ANKRD28: variants seen among roughly 807,000 people sequenced by gnomAD.
ANKRD28 encodes serine/threonine-protein phosphatase 6 regulatory ankyrin repeat subunit A.
ANKRD28 carries 44 observed loss-of-function variants against 126.5 expected under a neutral mutation model. The ratio of observed to expected loss-of-function variants is 0.35; its 90% confidence interval spans 0.27 to 0.45. ANKRD28 has a LOEUF of 0.45. Ranked by LOEUF, ANKRD28 falls within the 20% of genes least tolerant of loss-of-function variation. The pLI, the probability that ANKRD28 is intolerant of heterozygous loss-of-function variation, is 1.00. For missense variants in ANKRD28, 1,110 were observed against 1,316.6 expected (o/e 0.84, Z 2.43); for synonymous variants, 442 against 468.5 (o/e 0.94, Z 0.73).
At chr3:15,844,854 AC>A (rs2061497158) in intron 1 of ANKRD28, among the ~76,000 whole-genome samples, 1 of 152,198 alleles carries the variant, frequency 6.6e-6, no homozygotes, top group Non-Finnish European at 1.5e-5. Flanking sequence ...GCTATAAAAT[AC>A]CTGAAACTGG....
At chr3:15,798,847 C>T (rs1029901281), upstream of ANKRD28, among the ~76,000 whole-genome samples, 1 of 151,992 alleles carries the variant, frequency 6.6e-6, no homozygotes, top group East Asian at 1.9e-4. Flanking sequence ...ATACCATGGT[C>T]CCCCTTCAAT....
At chr3:15,825,199 T>C (rs2061033535) in intron 1 of ANKRD28, among the ~76,000 whole-genome samples, 1 of 152,170 alleles carries the variant, frequency 6.6e-6, no homozygotes, top group African/African-American at 2.4e-5. Context: ...CATGCAAGAT[T>C]AAATGAAGAG....
At chr3:15,781,188 G>C (rs1388914041) in intron 2 of ANKRD28, among the ~76,000 whole-genome samples, 1 of 151,814 alleles carries the variant, frequency 6.6e-6, no homozygotes, top group Non-Finnish European at 1.5e-5. Flanking sequence ...TCAAAAGCAA[G>C]AAAACAACCT....
Position 15,734,277 on chromosome 3 carries a change from C to A in ANKRD28, c.640+1133G>T, listed in dbSNP as rs985000863. Reference sequence around the variant, plus strand: ...TTGAGTTAATATTCCTCCATTGAATCTTCTGTTAATCTTTTATTTTTAAAT... The same window carrying A: ...TTGAGTTAATATTCCTCCATTGAATATTCTGTTAATCTTTTATTTTTAAAT... On this transcript the variant is annotated intron_variant, in intron 6 of 27. Coordinates refer to ENST00000683139, the MANE Select transcript of ANKRD28 (RefSeq NM_001349278.2). Among the ~76,000 whole-genome samples, 16 of 152,236 alleles carry A rather than the reference C, an allele frequency of 1.1e-4. 1 individual carries two copies. Among genetic ancestry groups the A allele is most frequent in the African/African-American group, 3.4e-4 (14 of 41,556 alleles).
At chr3:15,824,471 C>A (rs1303325022) in intron 1 of ANKRD28, among the ~76,000 whole-genome samples, 19 of 152,164 alleles carry the variant, frequency 1.2e-4, no homozygotes, top group Admixed American at 1.1e-3. Context: ...TTAAAAAAAA[C>A]AAACTATCAG....
At position 15,748,896 on chromosome 3, in the gene ANKRD28, T is replaced by A. The variant is rs116448371; in HGVS notation, c.351+2854A>T. ...GAGACTTCGTTCATTTAAAAAAAAA[T>A]TTTTTTTCTTTGTCTTTGATGGATT... On this transcript the variant is annotated intron_variant, in intron 4 of 27. Transcript: ENST00000683139. 4.6e-3 allele frequency among the ~76,000 whole-genome samples: 692 copies of A among 151,918 alleles called. 3 individuals are homozygous for A. The highest frequency in any genetic ancestry group is 0.015 in the African/African-American group (632 of 41,430).
chr3:15,842,976 G>A (rs2061455046), intron 1 of ANKRD28, among the ~76,000 whole-genome samples: 1 of 152,172 alleles, frequency 6.6e-6, no homozygotes, highest in African/African-American at 2.4e-5. Flanking sequence ...TGTAATGAGT[G>A]TTGCTTATCT....
chr3:15,733,523 TATC>T (rs1337854663), intron 6 of ANKRD28: 1 of 152,262 alleles, frequency 6.6e-6, no homozygotes, highest in Non-Finnish European at 1.5e-5. Flanking sequence ...TTTCTTCAAA[TATC>T]ATTTCTTAAA....
intron 17 of ANKRD28, among the ~76,000 whole-genome samples, chr3:15,690,500 C>T (rs2068646167): frequency 6.6e-6 from 1 of 152,162 alleles, no homozygotes; most frequent in Admixed American, 6.5e-5. Flanking sequence ...GGCAGACATT[C>T]AATGGATGTG....
chr3:15,697,939 C>T (rs1013473494), intron 14 of ANKRD28, among the ~76,000 whole-genome samples: 4 of 152,152 alleles, frequency 2.6e-5, no homozygotes, highest in African/African-American at 7.2e-5. Context: ...AGAGATTCAA[C>T]TTCTTCCTGG....
chr3:15,682,737 T>TA (rs1186827408), intron 21 of ANKRD28, among the ~76,000 whole-genome samples: 1 of 152,208 alleles, frequency 6.6e-6, no homozygotes, highest in Non-Finnish European at 1.5e-5. Flanking sequence ...CTAGTTAAAG[T>TA]AAAAACCATT....
At chr3:15,712,623 A>AC in intron 10 of ANKRD28, among the ~76,000 whole-genome samples, 1 of 152,278 alleles carries the variant, frequency 6.6e-6, no homozygotes, top group African/African-American at 2.4e-5. Flanking sequence ...CTACCCTGTC[A>AC]CCCCACCATT....
At chr3:15,721,991 G>A (rs951277979) in intron 7 of ANKRD28, among the ~76,000 whole-genome samples, 5 of 152,058 alleles carry the variant, frequency 3.3e-5, no homozygotes, top group African/African-American at 9.6e-5. Context: ...ATGATCCACC[G>A]GCCTCGGCCT....
rs2066187689 is a variant in ANKRD28 at position 15,669,907 on chromosome 3, T to C, written c.*363A>G. Reference sequence around the variant, plus strand: ...GCCTTTAAATTTAGTTGTAATTTTATTGATAAAATTTAAATCTAGTGTCTT... The same window carrying C: ...GCCTTTAAATTTAGTTGTAATTTTACTGATAAAATTTAAATCTAGTGTCTT... On this transcript the variant is annotated 3_prime_UTR_variant, in exon 28 of 28. Coordinates refer to ENST00000683139, the MANE Select transcript of ANKRD28 (RefSeq NM_001349278.2). The C allele has an allele frequency of 5.9e-6, 1 of 169,986 alleles. No individual in the cohort carries two copies. The highest frequency in any genetic ancestry group is 1.7e-4 in the South Asian group (1 of 5,764). 10.5% of individuals were successfully genotyped at this position (169,986 alleles called of 1,614,324 possible). A position where few individuals can be genotyped will look rare whatever the true frequency, so the allele number is the denominator to read the frequency against.
intron 8 of ANKRD28, among the ~76,000 whole-genome samples, chr3:15,717,525 G>GA (rs546403945): frequency 2.6e-4 from 35 of 132,750 alleles, no homozygotes; most frequent in Middle Eastern, 3.8e-3. Flanking sequence ...GGAGTATTAA[G>GA]AAAAAAAAAA....
At chr3:15,698,070 G>A (rs2069935205) in intron 14 of ANKRD28, among the ~76,000 whole-genome samples, 1 of 151,934 alleles carries the variant, frequency 6.6e-6, no homozygotes, top group South Asian at 2.1e-4. Context: ...TTTGAGCTCG[G>A]TGGTGATATT....
At chr3:15,692,629 T>C (rs1306765433) in intron 17 of ANKRD28, among the ~76,000 whole-genome samples, 1 of 152,222 alleles carries the variant, frequency 6.6e-6, no homozygotes, top group African/African-American at 2.4e-5. Context: ...AAGCCTCAGA[T>C]CAGTATGTTT....
chr3:15,787,726 A>G lies in ANKRD28; in HGVS notation c.201+7497T>C, dbSNP rs925300575. On this transcript the variant is annotated intron_variant, in intron 2 of 27. Transcript: ENST00000683139. ...GCTTGGTGTACTGACAGTCAGCAGA[A>G]GCAACATGTGGCCACTAAGAAAGAC... Among the ~76,000 whole-genome samples, 31 of 152,340 alleles carry G rather than the reference A, an allele frequency of 2.0e-4. 5 individuals carry two copies. Among genetic ancestry groups the G allele is most frequent in the Admixed American group, 8.5e-4 (13 of 15,294 alleles).
At chr3:15,747,412 T>G (rs552767017) in intron 4 of ANKRD28, among the ~76,000 whole-genome samples, 8 of 152,308 alleles carry the variant, frequency 5.3e-5, no homozygotes, top group African/African-American at 1.9e-4. Flanking sequence ...ATTGTTCAGT[T>G]CAAAGAATTT....
Sources: allele counts gnomAD v4.1 joint callset (sites outside exome capture counted in the v4.1 genomes callset), GRCh38; gene constraint gnomAD v4.1.1; transcripts MANE v1.5; gene names NCBI Gene and HGNC (gene_info 2026-07-23, HGNC 2026-07-21).